L3MBTL4: variants seen among roughly 807,000 people sequenced by gnomAD.
L3MBTL4 encodes L3MBTL histone methyl-lysine binding protein 4.
L3MBTL4 carries 70 observed loss-of-function variants against 84.5 expected under a neutral mutation model. That is an observed-to-expected ratio of 0.83 (90% CI 0.68 to 1.01). The LOEUF is 1.01. Among genes scored for constraint, L3MBTL4 ranks in the 50% least tolerant of loss-of-function variants. The probability of loss-of-function intolerance (pLI) is 0.00; values close to 1 mark genes in which losing one functional copy is unlikely to be tolerated. For missense variants in L3MBTL4, 715 were observed against 754.8 expected, an observed-to-expected ratio of 0.95 and a Z score of 0.62; for synonymous variants, 274 against 259.8, an observed-to-expected ratio of 1.05 and a Z score of -0.52.
chr18:6,229,036 C>A (rs1483677410), intron 10 of L3MBTL4, among the ~76,000 whole-genome samples: 1 of 152,052 alleles, frequency 6.6e-6, no homozygotes, highest in East Asian at 1.9e-4. Flanking sequence ...AATGGAATCA[C>A]AGGAAACTCT....
chr18:6,220,819 A>G (rs1231138772), intron 10 of L3MBTL4, among the ~76,000 whole-genome samples: 1 of 152,180 alleles, frequency 6.6e-6, no homozygotes, highest in Admixed American at 6.5e-5. Flanking sequence ...CCAAAATGAT[A>G]CCAGTCTAGC....
At chr18:6,101,546 G>A (rs1161236607) in intron 14 of L3MBTL4, among the ~76,000 whole-genome samples, 3 of 152,116 alleles carry the variant, frequency 2.0e-5, no homozygotes, top group Admixed American at 2.0e-4. Flanking sequence ...AAGGACTGTG[G>A]TAACAAAAGA....
chr18:6,063,952 T>C (rs955835850), intron 16 of L3MBTL4, among the ~76,000 whole-genome samples: 5 of 152,010 alleles, frequency 3.3e-5, no homozygotes, highest in African/African-American at 1.2e-4. Flanking sequence ...CCAGAAGAGT[T>C]TTTCCAAAGT....
chr18:6,316,999 A>G (rs2051138970), intron 1 of L3MBTL4, among the ~76,000 whole-genome samples: 1 of 147,944 alleles, frequency 6.8e-6, no homozygotes, highest in Admixed American at 6.7e-5. Flanking sequence ...AAATACTGGT[A>G]CAAAATAAAT....
chr18:6,405,208 C>T (rs1226617418), intron 1 of L3MBTL4, among the ~76,000 whole-genome samples: 3 of 152,152 alleles, frequency 2.0e-5, no homozygotes, highest in Admixed American at 1.3e-4. Context: ...TTCTTTTGTG[C>T]CCTACGGCAG....
intron 13 of L3MBTL4, among the ~76,000 whole-genome samples, chr18:6,156,459 T>G (rs777037166): frequency 7.4e-5 from 11 of 148,488 alleles, no homozygotes; most frequent in Non-Finnish European, 1.5e-4. Context: ...GCTCAAGGTT[T>G]CCATTAACCA....
intron 1 of L3MBTL4, among the ~76,000 whole-genome samples, chr18:6,342,085 T>G (rs980910702): frequency 2.0e-5 from 3 of 152,180 alleles, no homozygotes; most frequent in Non-Finnish European, 4.4e-5. Context: ...AAACAAAAGC[T>G]GTGGGAGTTC....
intron 5 of L3MBTL4, among the ~76,000 whole-genome samples, chr18:6,245,407 A>C (rs2047618840): frequency 6.6e-6 from 1 of 152,000 alleles, no homozygotes; most frequent in Non-Finnish European, 1.5e-5. Context: ...GGATAGCATC[A>C]CTTTATTATA....
chr18:6,241,408 C>A lies in L3MBTL4; in HGVS notation c.502G>T (p.Ala168Ser), dbSNP rs757539125. 2 of 1,605,064 alleles carry A rather than the reference C, an allele frequency of 1.2e-6. No individual in the cohort carries two copies. Among genetic ancestry groups the A allele is most frequent in the Non-Finnish European group, 1.7e-6 (2 of 1,174,874 alleles). ...TTTGGAGCATTTTGCAATTTGCAGGCCTTCAAGTAATCCATCCAAACAAAT... is the reference window on the plus strand; with the variant it reads ...TTTGGAGCATTTTGCAATTTGCAGGACTTCAAGTAATCCATCCAAACAAAT... ...DKFVWMDYLK[A>S]CKLQNAPKKL... Residue 168 changes from alanine to serine, a missense_variant, in exon 8 of 19, where the codon GCC (alanine) becomes TCC (serine). By Grantham distance (99) the Ala-to-Ser change is moderately conservative. Transcript: ENST00000317931.
At chr18:6,043,117 T>C (rs2056472121) in intron 16 of L3MBTL4, among the ~76,000 whole-genome samples, 1 of 152,176 alleles carries the variant, frequency 6.6e-6, no homozygotes, top group African/African-American at 2.4e-5. Flanking sequence ...GAAATACATC[T>C]TGAATGTATC....
intron 16 of L3MBTL4, among the ~76,000 whole-genome samples, chr18:6,058,496 T>C: frequency 6.6e-6 from 1 of 152,202 alleles, no homozygotes; most frequent in East Asian, 1.9e-4. Context: ...TTGTTTTTTT[T>C]CAAGTCCACG....
At chr18:6,045,143 A>T (rs982008189) in intron 16 of L3MBTL4, among the ~76,000 whole-genome samples, 5 of 152,344 alleles carry the variant, frequency 3.3e-5, no homozygotes, top group Non-Finnish European at 5.9e-5. Flanking sequence ...ACTTTGCACC[A>T]GATCATATAC....
At chr18:6,329,428 C>T (rs553586144) in intron 1 of L3MBTL4, among the ~76,000 whole-genome samples, 44 of 152,274 alleles carry the variant, frequency 2.9e-4, no homozygotes, top group Admixed American at 1.1e-3. Context: ...GCTCGGATTA[C>T]AGGCCTGAGC....
intron 12 of L3MBTL4, among the ~76,000 whole-genome samples, chr18:6,190,857 C>T (rs762616670): frequency 1.1e-4 from 16 of 151,798 alleles, no homozygotes; most frequent in Admixed American, 5.9e-4. Flanking sequence ...GAGATTTGGG[C>T]GTATGGGGAA....
At chr18:6,263,414 T>A (rs1375451531) in intron 5 of L3MBTL4, among the ~76,000 whole-genome samples, 1 of 152,132 alleles carries the variant, frequency 6.6e-6, no homozygotes, top group Non-Finnish European at 1.5e-5. Context: ...TGATCCCCTG[T>A]AAGGCCCAGA....
At chr18:6,150,725 A>T (rs2042857114) in intron 13 of L3MBTL4, among the ~76,000 whole-genome samples, 1 of 152,160 alleles carries the variant, frequency 6.6e-6, no homozygotes, top group African/African-American at 2.4e-5. Flanking sequence ...GAACTGAGAG[A>T]GAACAAGCCC....
intron 13 of L3MBTL4, among the ~76,000 whole-genome samples, chr18:6,166,513 A>G (rs1158674061): frequency 1.7e-4 from 25 of 148,140 alleles, no homozygotes; most frequent in South Asian, 1.1e-3. Context: ...TAGAACTCAG[A>G]ATTAAGAAAC....
At chr18:6,234,114 T>C (rs1238694276) in intron 10 of L3MBTL4, among the ~76,000 whole-genome samples, 4 of 152,140 alleles carry the variant, frequency 2.6e-5, no homozygotes, top group African/African-American at 7.2e-5. Flanking sequence ...GCTAGCGACA[T>C]GTAGAAAGCT....
intron 14 of L3MBTL4, among the ~76,000 whole-genome samples, chr18:6,132,982 C>T (rs375240936): frequency 9.2e-5 from 14 of 152,106 alleles, no homozygotes; most frequent in South Asian, 4.1e-4. Flanking sequence ...ACCAGTTCCA[C>T]GGGAGGGGTA....
Sources: allele counts gnomAD v4.1 joint callset (sites outside exome capture counted in the v4.1 genomes callset), GRCh38; gene constraint gnomAD v4.1.1; transcripts MANE v1.5; gene names NCBI Gene and HGNC (gene_info 2026-07-23, HGNC 2026-07-21).